Variants in SLC25A13 observed in about 807,000 individuals in gnomAD.
SLC25A13 encodes the protein electrogenic aspartate/glutamate antiporter SLC25A13, mitochondrial.
SLC25A13 carries 70 observed loss-of-function variants against 85.5 expected under a neutral mutation model. The observed-to-expected ratio is 0.82, with a 90% CI of 0.68 to 1.00. SLC25A13 has a LOEUF of 1.00. Ranked by LOEUF, SLC25A13 falls within the 50% of genes least tolerant of loss-of-function variation. The probability of loss-of-function intolerance (pLI) is 0.00; values close to 1 mark genes in which losing one functional copy is unlikely to be tolerated. For synonymous variants in SLC25A13, 259 were observed against 288.7 expected, an observed-to-expected ratio of 0.90 and a Z score of 1.04; for missense variants, 765 against 819.8, an observed-to-expected ratio of 0.93 and a Z score of 0.82.
At chr7:96,200,404 C>T (rs1327221089) in intron 5 of SLC25A13, among the ~76,000 whole-genome samples, 2 of 152,130 alleles carry the variant, frequency 1.3e-5, no homozygotes, top group South Asian at 2.1e-4. Context: ...TTTTCATAAT[C>T]TATGCTAATT....
At chr7:96,281,398 A>C (rs1798672417) in intron 2 of SLC25A13, among the ~76,000 whole-genome samples, 1 of 152,012 alleles carries the variant, frequency 6.6e-6, no homozygotes, top group Admixed American at 6.6e-5. Context: ...TCTCAAAAAA[A>C]AAAAAAAAAA....
intron 1 of SLC25A13, 113 bp downstream of exon 1, chr7:96,321,829 A>G: frequency 7.6e-7 from 1 of 1,316,048 alleles, no homozygotes; most frequent in Non-Finnish European, 1.0e-6. Context: ...GCTGCCCGGC[A>G]CCCCATTTTG....
chr7:96,262,617 T>C (rs1797899349), intron 3 of SLC25A13, among the ~76,000 whole-genome samples: 1 of 152,178 alleles, frequency 6.6e-6, no homozygotes, highest in Non-Finnish European at 1.5e-5. Context: ...ATTCACCTTA[T>C]GTTGGCCAAA....
At chr7:96,306,815 CAGG>C (rs1347279074) in intron 1 of SLC25A13, 33 of 1,396,602 alleles carry the variant, frequency 2.4e-5, no homozygotes, top group Middle Eastern at 1.8e-4. Context: ...CCCAGGGACT[CAGG>C]AGATCATGCA....
chr7:96,270,478 CTA>C (rs1798197240), intron 3 of SLC25A13, among the ~76,000 whole-genome samples: 1 of 151,684 alleles, frequency 6.6e-6, no homozygotes, highest in African/African-American at 2.4e-5. Context: ...ATCACTTGAA[CTA>C]GGAGGCAGAG....
intron 3 of SLC25A13, among the ~76,000 whole-genome samples, chr7:96,263,220 T>C (rs1326451409): frequency 6.6e-6 from 1 of 152,088 alleles, no homozygotes; most frequent in Non-Finnish European, 1.5e-5. Context: ...ATGTCAGCCT[T>C]GACCAACAGT....
intron 5 of SLC25A13, among the ~76,000 whole-genome samples, chr7:96,201,426 C>A (rs1168252452): frequency 6.6e-6 from 1 of 150,608 alleles, no homozygotes; most frequent in East Asian, 2.0e-4. Flanking sequence ...GCAGGAGAAT[C>A]ACTTGAACCT....
intron 3 of SLC25A13, among the ~76,000 whole-genome samples, chr7:96,246,179 C>T (rs1797182153): frequency 6.6e-6 from 1 of 152,218 alleles, no homozygotes; most frequent in Non-Finnish European, 1.5e-5. Context: ...CCATAGTCTC[C>T]AGTTTGATCA....
At chr7:96,125,067 A>ATATCCTACAT (rs1791670083) in intron 15 of SLC25A13, among the ~76,000 whole-genome samples, 1 of 152,050 alleles carries the variant, frequency 6.6e-6, no homozygotes, top group East Asian at 1.9e-4. Flanking sequence ...GCTGTTTCAT[A>ATATCCTACAT]TATCCTACAT....
At chr7:96,143,665 T>G (rs1171606237) in intron 14 of SLC25A13, among the ~76,000 whole-genome samples, 2 of 152,240 alleles carry the variant, frequency 1.3e-5, no homozygotes. Context: ...CCACTTTTTT[T>G]CAGTTGCAAA....
intron 2 of SLC25A13, among the ~76,000 whole-genome samples, chr7:96,278,906 T>C (rs746619690): frequency 6.6e-6 from 1 of 152,252 alleles, no homozygotes; most frequent in African/African-American, 2.4e-5. Flanking sequence ...TCTTATGACT[T>C]AGTAATTATA....
At chr7:96,315,194 C>T (rs1340329400) in intron 1 of SLC25A13, among the ~76,000 whole-genome samples, 1 of 152,178 alleles carries the variant, frequency 6.6e-6, no homozygotes, top group African/African-American at 2.4e-5. Context: ...TTGGAGAAAC[C>T]CCTACATACC....
intron 2 of SLC25A13, among the ~76,000 whole-genome samples, chr7:96,295,952 C>T (rs139237132): frequency 0.017 from 2,519 of 151,738 alleles, 33 homozygotes; most frequent in Non-Finnish European, 0.026. Context: ...TTTCTGAGTA[C>T]TTTAATTTCA....
At chr7:96,303,528 CTTCT>C (rs1276362223) in intron 1 of SLC25A13, among the ~76,000 whole-genome samples, 2 of 152,274 alleles carry the variant, frequency 1.3e-5, no homozygotes, top group Non-Finnish European at 2.9e-5. Flanking sequence ...GCCCACCCTC[CTTCT>C]TTATCTTCCT....
intron 13 of SLC25A13, among the ~76,000 whole-genome samples, chr7:96,154,606 A>C (rs1323379942): frequency 2.6e-5 from 4 of 151,794 alleles, no homozygotes; most frequent in African/African-American, 7.3e-5. Context: ...CGAGTATCTT[A>C]AAAAGGTAGA....
intron 4 of SLC25A13, among the ~76,000 whole-genome samples, chr7:96,213,740 G>A (rs1198594960): frequency 6.6e-6 from 1 of 152,078 alleles, no homozygotes; most frequent in African/African-American, 2.4e-5. Context: ...TTAGAATTAG[G>A]TCTCTTCTGG....
intron 14 of SLC25A13, among the ~76,000 whole-genome samples, chr7:96,145,874 A>G (rs1792762902): frequency 6.6e-6 from 1 of 152,214 alleles, no homozygotes; most frequent in Non-Finnish European, 1.5e-5. Flanking sequence ...TTAAGTAGAC[A>G]TTTTATTTTT....
intron 3 of SLC25A13, among the ~76,000 whole-genome samples, chr7:96,248,570 G>C (rs746277128): frequency 6.6e-5 from 10 of 152,234 alleles, no homozygotes; most frequent in Admixed American, 2.0e-4. Context: ...GTGCAACTTG[G>C]ACTTAGGTAC....
intron 2 of SLC25A13, among the ~76,000 whole-genome samples, chr7:96,289,059 C>T (rs1227908869): frequency 6.6e-6 from 1 of 152,204 alleles, no homozygotes; most frequent in African/African-American, 2.4e-5. Flanking sequence ...TGAAATGAAG[C>T]TTCCAGAGGA....
Sources: gnomAD v4.1 joint callset for allele counts (sites outside exome capture counted in the v4.1 genomes callset) on GRCh38, gnomAD v4.1.1 for gene constraint, MANE v1.5 for transcripts, NCBI Gene and HGNC (gene_info 2026-07-23, HGNC 2026-07-21) for gene names.